EMC3: variants seen among roughly 807,000 people sequenced by gnomAD.
EMC3 encodes the protein 30 kDa protein.
EMC3 carries 13 observed loss-of-function variants against 36.6 expected under a neutral mutation model. The observed-to-expected ratio is 0.35, with a 90% CI of 0.23 to 0.56. The LOEUF (loss-of-function observed/expected upper bound fraction) is 0.56, where lower values mean the gene tolerates loss of function less well. EMC3 is among the 20% of genes least tolerant of loss of function. The probability of loss-of-function intolerance (pLI) is 0.84; values close to 1 mark genes in which losing one functional copy is unlikely to be tolerated. For missense variants in EMC3, 220 were observed against 324.5 expected, an observed-to-expected ratio of 0.68 and a Z score of 2.47; for synonymous variants, 120 against 111.9, an observed-to-expected ratio of 1.07 and a Z score of -0.46.
chr3:9,969,648 C>G, intron 7 of EMC3, 71 bp downstream of exon 7: 1 of 1,611,164 alleles, frequency 6.2e-7, no homozygotes, highest in Non-Finnish European at 8.5e-7. Context: ...TTCAAGGAAG[C>G]TATTTTTAAA....
chr3:9,981,714 T>A, intron 1 of EMC3: 1 of 432,002 alleles, frequency 2.3e-6, no homozygotes, highest in South Asian at 1.6e-5. Context: ...GGATTATAGG[T>A]GTGAGCCATT....
At chr3:10,007,786 G>T (rs1431489672) in intron 1 of EMC3, among the ~76,000 whole-genome samples, 3 of 152,090 alleles carry the variant, frequency 2.0e-5, no homozygotes, top group Non-Finnish European at 4.4e-5. Context: ...CTTGAGGTAG[G>T]TCCAGAAGGC....
At chr3:9,983,468 A>G (rs2085934043) in intron 1 of EMC3, among the ~76,000 whole-genome samples, 2 of 152,054 alleles carry the variant, frequency 1.3e-5, no homozygotes, top group Non-Finnish European at 1.5e-5. Flanking sequence ...TTCTTAAGGA[A>G]GCGTTCTTGG....
At chr3:9,987,690 T>A (rs367957369), upstream of EMC3, 9 of 352,962 alleles carry the variant, frequency 2.5e-5, no homozygotes, top group African/African-American at 1.7e-4. Flanking sequence ...TTACATTTAC[T>A]CTTTCTGTGT....
chr3:9,979,608 T>G (rs140582120), intron 1 of EMC3, among the ~76,000 whole-genome samples: 18 of 152,200 alleles, frequency 1.2e-4, no homozygotes, highest in Admixed American at 3.9e-4. Flanking sequence ...AGAACGGTGA[T>G]CAAAATACAA....
rs149373270 is a variant in EMC3, at chr3:9,970,984, G to A, written c.495-323C>T. Among the ~76,000 whole-genome samples, 17 of 151,646 alleles carry A rather than the reference G, an allele frequency of 1.1e-4. 1 individual carries two copies. Among genetic ancestry groups the A allele is most frequent in the East Asian group, 9.7e-4 (5 of 5,152 alleles). On this transcript the variant is annotated intron_variant, in intron 5 of 7. Transcript: ENST00000245046. ...GTTACCCAGGCTGGAGTGCAGTGGC[G>A]CAATCTTGGCTCACTGCAACCTCTG...
chr3:9,983,671 CAA>C (rs201052393), intron 1 of EMC3, among the ~76,000 whole-genome samples: 4 of 140,216 alleles, frequency 2.9e-5, no homozygotes, highest in Admixed American at 2.2e-4. Context: ...CTCTGGTCTC[CAA>C]AAAAAAAAAG....
At chr3:10,003,519 C>G (rs145586503) in intron 1 of EMC3, 2 of 315,582 alleles carry the variant, frequency 6.3e-6, no homozygotes, top group African/African-American at 2.2e-5. Context: ...CTCCACCACA[C>G]CTGACCAGGA....
At chr3:9,978,540 G>A (rs964882257) in intron 1 of EMC3, among the ~76,000 whole-genome samples, 5 of 151,796 alleles carry the variant, frequency 3.3e-5, no homozygotes, top group African/African-American at 1.2e-4. Flanking sequence ...TAAAACCTGT[G>A]CTTGGTAGGG....
chr3:9,988,123 T>TA, upstream of EMC3: 1 of 549,114 alleles, frequency 1.8e-6, no homozygotes, highest in Non-Finnish European at 3.3e-6. Context: ...ATGGTACTAT[T>TA]ATGATATTTA....
At chr3:10,005,498 A>G (rs1280243247) in intron 1 of EMC3, among the ~76,000 whole-genome samples, 1 of 152,214 alleles carries the variant, frequency 6.6e-6, no homozygotes, top group Non-Finnish European at 1.5e-5. Flanking sequence ...TAGAAGGGCC[A>G]GGACTTTGCC....
chr3:9,986,977 A>G, upstream of EMC3: 1 of 1,112,906 alleles, frequency 9.0e-7, no homozygotes, highest in South Asian at 2.6e-5. Context: ...GCACTTTGGG[A>G]GGCCAAGGTG....
At chr3:9,978,415 A>G (rs2124911150) in intron 1 of EMC3, 1 of 152,220 alleles carries the variant, frequency 6.6e-6, no homozygotes, top group South Asian at 2.1e-4. Flanking sequence ...TCAAAATATT[A>G]ATTTTTTTCT....
At chr3:9,992,468 A>G (rs1201038263) in intron 1 of EMC3, among the ~76,000 whole-genome samples, 2 of 152,194 alleles carry the variant, frequency 1.3e-5, no homozygotes, top group African/African-American at 2.4e-5. Flanking sequence ...AAAAATTAAA[A>G]TTACTCCATC....
intron 1 of EMC3, among the ~76,000 whole-genome samples, chr3:9,995,650 T>G: frequency 6.6e-6 from 1 of 151,692 alleles, no homozygotes; most frequent in East Asian, 1.9e-4. Flanking sequence ...AAGATTCTGT[T>G]TTTTGAGACG....
At chr3:10,005,093 C>T (rs1406661739) in intron 1 of EMC3, 1 of 152,140 alleles carries the variant, frequency 6.6e-6, no homozygotes, top group Non-Finnish European at 1.5e-5. Context: ...TTTCCATCAC[C>T]CAAATATCAT....
At chr3:10,000,561 A>G in intron 1 of EMC3, 1 of 306,594 alleles carries the variant, frequency 3.3e-6, no homozygotes. Flanking sequence ...TTTCTGGTGT[A>G]TGAGATCTAT....
At chr3:9,983,516 A>G (rs909615728) in intron 1 of EMC3, among the ~76,000 whole-genome samples, 1 of 152,118 alleles carries the variant, frequency 6.6e-6, no homozygotes, top group Non-Finnish European at 1.5e-5. Flanking sequence ...CTACTAAAAT[A>G]CAAAAATTAG....
intron 1 of EMC3, among the ~76,000 whole-genome samples, chr3:9,984,993 T>C (rs1233831018): frequency 6.6e-6 from 1 of 152,262 alleles, no homozygotes. Context: ...GTACTTCACA[T>C]AGTACCTGAT....
Sources: gnomAD v4.1 joint callset for allele counts (sites outside exome capture counted in the v4.1 genomes callset) on GRCh38, gnomAD v4.1.1 for gene constraint, MANE v1.5 for transcripts, NCBI Gene and HGNC (gene_info 2026-07-23, HGNC 2026-07-21) for gene names.